The following ZNF84 variants were observed in gnomAD, a reference collection of about 807,000 sequenced individuals.
ZNF84 encodes the protein zinc finger protein 84.
Under a neutral mutation model 14.8 loss-of-function variants are expected in ZNF84, and 12 were observed. That is an observed-to-expected ratio of 0.81 (90% CI 0.52 to 1.31). The LOEUF is 1.31. Ranked by LOEUF, ZNF84 falls within the 50% of genes most tolerant of loss-of-function variation. ZNF84 has a pLI of 0.00. For synonymous variants in ZNF84, 347 were observed against 291.1 expected (o/e 1.19, Z -1.96); for missense variants, 859 against 878.6 (o/e 0.98, Z 0.28).
chr12:133,044,697 C>T (rs1408643303), intron 2 of ZNF84, among the ~76,000 whole-genome samples: 3 of 152,046 alleles, frequency 2.0e-5, no homozygotes, highest in South Asian at 2.1e-4. Context: ...GGGTAGATCA[C>T]GAGGTTAAGA....
In ZNF84 at chr12:133,058,088, C is replaced by G; in HGVS notation, c.1373C>G (p.Pro458Arg). The G allele has an allele frequency of 6.2e-7, 1 of 1,613,920 alleles. No homozygotes were observed. Among genetic ancestry groups the G allele is most frequent in the Non-Finnish European group, 8.5e-7 (1 of 1,180,008 alleles). Residue 458 changes from proline to arginine, a missense_variant, in exon 5 of 5, where the codon CCC becomes CGC. Physicochemically the swap from Pro to Arg is moderately radical, Grantham distance 103. Transcript: ENST00000539354. ...CAGATGACACACACAGGAGAAAAAC[C>G]CTTTATATGCAGTAAATGTGGGAAA... ...SHQMTHTGEK[P>R]FICSKCGKAF...
chr12:133,058,748 C>T lies in ZNF84; in HGVS notation c.2033C>T (p.Thr678Met), dbSNP rs911497919. The change falls in exon 5 of 5, where the codon ACG becomes ATG. Residue 678 changes from threonine to methionine, a missense_variant. Physicochemically the swap from Thr to Met is moderately conservative, Grantham distance 81. Transcript: ENST00000539354. Reference protein sequence around the residue: ...SHLIPHQRTHTGEKPYGCSEC... With the variant: ...SHLIPHQRTHMGEKPYGCSEC... Reference sequence around the variant, plus strand: ...CTTATACCACATCAAAGGACACATACGGGTGAGAAACCCTATGGATGCAGT... The same window carrying T: ...CTTATACCACATCAAAGGACACATATGGGTGAGAAACCCTATGGATGCAGT... The T allele has an allele frequency of 1.8e-5, 29 of 1,613,812 alleles. No homozygotes were observed. Among genetic ancestry groups the T allele is most frequent in the Admixed American group, 3.3e-5 (2 of 59,968 alleles).
intron 4 of ZNF84, among the ~76,000 whole-genome samples, chr12:133,055,374 A>G (rs765667302): frequency 2.6e-5 from 4 of 152,178 alleles, no homozygotes; most frequent in Non-Finnish European, 4.4e-5. Flanking sequence ...AATAGTTGTT[A>G]TAAACTGCTT....
In ZNF84 at chr12:133,060,896, A is replaced by T. The variant is rs1337449142; in HGVS notation, c.*1964A>T. The T allele has an allele frequency of 1.3e-5, 2 of 152,206 alleles. No homozygotes were observed. The highest frequency in any genetic ancestry group is 2.9e-5 in the Non-Finnish European group (2 of 68,040). 9.4% of individuals were successfully genotyped at this position (152,206 alleles called of 1,614,324 possible). On this transcript the variant is annotated 3_prime_UTR_variant, in exon 5 of 5. Coordinates refer to ENST00000539354, the MANE Select transcript of ZNF84 (RefSeq NM_001289971.2). ...TTTTTTGTATGCTGATGAAATTTAGAAAAGTCCAATATTGAGCTTGATTGC... is the reference window on the plus strand; with the variant it reads ...TTTTTTGTATGCTGATGAAATTTAGTAAAGTCCAATATTGAGCTTGATTGC...
Position 133,058,790 on chromosome 12 carries a change from T to C in ZNF84, c.2075T>C (p.Phe692Ser). Residue 692 changes from phenylalanine (F) to serine (S), a missense_variant, in exon 5 of 5, where the codon TTC becomes TCC. Transcript: ENST00000539354. ...PYGCSECRKA[F>S]SQKSQLVNHQ... ...GGATGCAGTGAATGTAGGAAGGCCTTCTCTCAGAAGTCACAGCTGGTTAAT... is the reference window on the plus strand; with the variant it reads ...GGATGCAGTGAATGTAGGAAGGCCTCCTCTCAGAAGTCACAGCTGGTTAAT... The C allele has an allele frequency of 1.9e-6, 3 of 1,614,002 alleles. No homozygotes were observed. Among genetic ancestry groups the C allele is most frequent in the Non-Finnish European group, 2.5e-6 (3 of 1,179,962 alleles).
chr12:133,060,878 T>G lies in ZNF84; in HGVS notation c.*1946T>G, dbSNP rs1954251086. Reference sequence around the variant, plus strand: ...TGCTTGGCAAAGTTAATATTTTTTGTATGCTGATGAAATTTAGAAAAGTCC... The same window carrying G: ...TGCTTGGCAAAGTTAATATTTTTTGGATGCTGATGAAATTTAGAAAAGTCC... On this transcript the variant is annotated 3_prime_UTR_variant, in exon 5 of 5. Transcript: ENST00000539354. 1 of 152,232 alleles carries G rather than the reference T, an allele frequency of 6.6e-6. No homozygotes were observed. 9.4% of individuals were successfully genotyped at this position (152,232 alleles called of 1,614,324 possible).
rs1362840163 is a variant in ZNF84 at position 133,061,977 on chromosome 12, T to G, written c.*3045T>G. ...TGTCTCTGCATTGCCCCTTATTGTTTCCTACCACAAATTCTACATCAAGAA... is the reference window on the plus strand; with the variant it reads ...TGTCTCTGCATTGCCCCTTATTGTTGCCTACCACAAATTCTACATCAAGAA... On this transcript the variant is annotated 3_prime_UTR_variant, in exon 5 of 5. Transcript: ENST00000539354. 6.6e-6 allele frequency: 1 copy of G among 152,194 alleles called. No homozygotes were observed. Among genetic ancestry groups the G allele is most frequent in the Non-Finnish European group, 1.5e-5 (1 of 68,032 alleles). 9.4% of individuals were successfully genotyped at this position (152,194 alleles called of 1,614,324 possible).
Position 133,057,251 on chromosome 12 carries a change from A to G in ZNF84, c.536A>G (p.Tyr179Cys). 6.2e-7 allele frequency: 1 copy of G among 1,613,942 alleles called. No individual in the cohort carries two copies. The highest frequency in any genetic ancestry group is 8.5e-7 in the Non-Finnish European group (1 of 1,179,986). ...KPEDTDTWLK[Y>C]YDCDKYKESY... is the part of the protein sequence containing the mutation. The stretch of plus-strand genomic sequence containing the variant: ...GAGGATACTGATACCTGGTTAAAAT[A>G]CTATGACTGTGATAAATATAAAGAG... Residue 179 changes from tyrosine to cysteine, a missense_variant, in exon 5 of 5, where the codon TAC (tyrosine) becomes TGC (cysteine). Physicochemically the swap from Tyr to Cys is radical, Grantham distance 194 (BLOSUM62 -2). Coordinates refer to ENST00000539354, the MANE Select transcript of ZNF84 (RefSeq NM_001289971.2).
chr12:133,049,355 A>G (rs1159982827), intron 4 of ZNF84, among the ~76,000 whole-genome samples: 4 of 152,230 alleles, frequency 2.6e-5, no homozygotes, highest in East Asian at 1.9e-4. Flanking sequence ...GTTCAGTCTC[A>G]TTATATTAGA....
At position 133,057,103 on chromosome 12, in the gene ZNF84, G is replaced by A; in HGVS notation, c.388G>A (p.Gly130Ser). The change falls in exon 5 of 5, where the codon GGT (glycine) becomes AGT (serine). Residue 130 changes from glycine (G) to serine (S), a missense_variant. Physicochemically the swap from Gly to Ser is moderately conservative, Grantham distance 56 (BLOSUM62 0). Transcript: ENST00000539354. ...FVPLRKSNSE[G>S]DLDGLILKHH... ...TCCTTTAAGGAAATCAAACAGTGAA[G>A]GTGACTTAGATGGATTGATTTTAAA... The A allele has an allele frequency of 1.2e-6, 2 of 1,613,158 alleles. No individual in the cohort carries two copies. The highest frequency in any genetic ancestry group is 8.5e-7 in the Non-Finnish European group (1 of 1,179,800).
chr12:133,038,776 A>G (rs1384304095), intron 1 of ZNF84: 2 of 152,316 alleles, frequency 1.3e-5, no homozygotes, highest in East Asian at 1.9e-4. Flanking sequence ...AGTATGCTTC[A>G]TATGGGTCTT....
chr12:133,045,030 A>G (rs1481569429), intron 2 of ZNF84, among the ~76,000 whole-genome samples: 2 of 152,188 alleles, frequency 1.3e-5, no homozygotes, highest in Non-Finnish European at 2.9e-5. Context: ...CACCATTTTA[A>G]TGTATAATTC....
At position 133,058,037 on chromosome 12, in the gene ZNF84, C is replaced by T; in HGVS notation, c.1322C>T (p.Ser441Phe). ...HGCIQCGKAFSQKSHLISHQM... is the reference protein window; with the variant it reads ...HGCIQCGKAFFQKSHLISHQM... ...TGCATTCAGTGTGGGAAGGCCTTCTCCCAGAAGTCACATCTCATATCACAT... is the reference window on the plus strand; with the variant it reads ...TGCATTCAGTGTGGGAAGGCCTTCTTCCAGAAGTCACATCTCATATCACAT... Residue 441 changes from serine (S) to phenylalanine (F), a missense_variant, in exon 5 of 5, where the codon TCC (serine) becomes TTC (phenylalanine). Coordinates refer to ENST00000539354, the MANE Select transcript of ZNF84 (RefSeq NM_001289971.2). 6.2e-7 allele frequency: 1 copy of T among 1,613,332 alleles called. No homozygotes were observed. Among genetic ancestry groups the T allele is most frequent in the East Asian group, 2.2e-5 (1 of 44,804 alleles).
chr12:133,048,729 C>T (rs1954025764), intron 3 of ZNF84, 24 bp from the exon 4 acceptor site: 2 of 1,601,230 alleles, frequency 1.2e-6, no homozygotes, highest in African/African-American at 1.3e-5. Flanking sequence ...GGGCCCAAGG[C>T]CTTTGTGATT....
chr12:133,047,799 A>G (rs1259756101), intron 2 of ZNF84, 156 bp from the exon 3 acceptor site: 1 of 741,982 alleles, frequency 1.3e-6, no homozygotes, highest in Non-Finnish European at 2.2e-6. Flanking sequence ...GGAAGAATGC[A>G]CAATGACATT....
Position 133,057,374 on chromosome 12 carries a change from C to G in ZNF84, c.659C>G (p.Pro220Arg). The change falls in exon 5 of 5, where the codon CCA (proline) becomes CGA (arginine). Residue 220 changes from proline (P) to arginine (R), a missense_variant. By Grantham distance (103) the Pro-to-Arg change is moderately radical. Coordinates refer to ENST00000539354, the MANE Select transcript of ZNF84 (RefSeq NM_001289971.2). ...TGTAGGAAGCGCTTCAGTAAGAAACCAAGTCTCATTAAACATCAGAGCAGA... is the reference window on the plus strand; with the variant it reads ...TGTAGGAAGCGCTTCAGTAAGAAACGAAGTCTCATTAAACATCAGAGCAGA... ...SECRKRFSKK[P>R]SLIKHQSRHI... 6.2e-7 allele frequency: 1 copy of G among 1,613,936 alleles called. No homozygotes were observed. The highest frequency in any genetic ancestry group is 2.2e-5 in the East Asian group (1 of 44,888).
chr12:133,041,447 C>G lies in ZNF84; in HGVS notation c.-21C>G. 1 of 1,613,972 alleles carries G rather than the reference C, an allele frequency of 6.2e-7. No homozygotes were observed. On this transcript the variant is annotated 5_prime_UTR_variant, in exon 2 of 5. It adds an upstream start codon to the 5' untranslated region. Transcript: ENST00000539354. Reference sequence around the variant, plus strand: ...TAGAACCGATCTCAGCCTTGCTGATCATCTCGTACAGCAGCAGAAAATGAC... The same window carrying G: ...TAGAACCGATCTCAGCCTTGCTGATGATCTCGTACAGCAGCAGAAAATGAC...
At position 133,044,682 on chromosome 12, in the gene ZNF84, G is replaced by A. The variant is rs377713606; in HGVS notation, c.15+3200G>A. On this transcript the variant is annotated intron_variant, in intron 2 of 4. Transcript: ENST00000539354. Reference sequence around the variant, plus strand: ...TGTAATCCCAGCACTTTGGGAGGCCGAGTAGGGTAGATCACGAGGTTAAGA... The same window carrying A: ...TGTAATCCCAGCACTTTGGGAGGCCAAGTAGGGTAGATCACGAGGTTAAGA... 4.6e-5 allele frequency among the ~76,000 whole-genome samples: 7 copies of A among 152,182 alleles called. No homozygotes were observed. The East Asian group carries it at 1.2e-3, about 25-fold the overall frequency.
chr12:133,053,528 C>T (rs1375328834), intron 4 of ZNF84, among the ~76,000 whole-genome samples: 2 of 152,082 alleles, frequency 1.3e-5, no homozygotes, highest in Non-Finnish European at 2.9e-5. Flanking sequence ...CTACTTGAGC[C>T]TAGGACTTTG....
Sources: gnomAD v4.1 joint callset for allele counts (sites outside exome capture counted in the v4.1 genomes callset) on GRCh38, gnomAD v4.1.1 for gene constraint, MANE v1.5 for transcripts, NCBI Gene and HGNC (gene_info 2026-07-23, HGNC 2026-07-21) for gene names.